MAN1A1: variants seen among roughly 807,000 people sequenced by gnomAD.
MAN1A1 encodes the protein mannosyl-oligosaccharide 1,2-alpha-mannosidase IA.
MAN1A1 carries 29 observed loss-of-function variants against 70.8 expected under a neutral mutation model. The observed-to-expected ratio is 0.41, with a 90% confidence interval of 0.31 to 0.56. The LOEUF is 0.56. Ranked by LOEUF, MAN1A1 falls within the 20% of genes least tolerant of loss-of-function variation. MAN1A1 has a pLI of 0.29. For missense variants in MAN1A1, 747 were observed against 841.3 expected, an observed-to-expected ratio of 0.89 and a Z score of 1.39; for synonymous variants, 349 against 330.1, an observed-to-expected ratio of 1.06 and a Z score of -0.62.
chr6:119,285,397 A>G (rs1428137537), intron 5 of MAN1A1, among the ~76,000 whole-genome samples: 1 of 152,090 alleles, frequency 6.6e-6, no homozygotes, highest in East Asian at 1.9e-4. Flanking sequence ...AACATCTCTC[A>G]TGAGACCCCA....
At chr6:119,213,861 T>C (rs1179899597) in intron 6 of MAN1A1, among the ~76,000 whole-genome samples, 1 of 152,246 alleles carries the variant, frequency 6.6e-6, no homozygotes, top group African/African-American at 2.4e-5. Context: ...TTTTCATGTA[T>C]TGATACTTTC....
At chr6:119,264,599 G>A (rs1396321342) in intron 5 of MAN1A1, among the ~76,000 whole-genome samples, 1 of 152,128 alleles carries the variant, frequency 6.6e-6, no homozygotes, top group Non-Finnish European at 1.5e-5. Context: ...TTGTTGTTTA[G>A]GAGCTTATTT....
chr6:119,321,557 GA>G (rs1181528342), intron 2 of MAN1A1, among the ~76,000 whole-genome samples: 1 of 151,080 alleles, frequency 6.6e-6, no homozygotes, highest in African/African-American at 2.4e-5. Flanking sequence ...ACTCACCTTT[GA>G]ATTTTACTGA....
At chr6:119,213,430 G>T (rs1774105378) in intron 6 of MAN1A1, among the ~76,000 whole-genome samples, 1 of 151,910 alleles carries the variant, frequency 6.6e-6, no homozygotes, top group African/African-American at 2.4e-5. Context: ...AAAGACAAAA[G>T]AATAAAAAGG....
chr6:119,313,986 A>T (rs556676840), intron 2 of MAN1A1, among the ~76,000 whole-genome samples: 2 of 152,108 alleles, frequency 1.3e-5, no homozygotes, highest in East Asian at 3.9e-4. Context: ...AAAAAAAAAA[A>T]TCCGTGAGCC....
At chr6:119,306,407 A>C (rs534366963) in intron 3 of MAN1A1, among the ~76,000 whole-genome samples, 22 of 152,334 alleles carry the variant, frequency 1.4e-4, no homozygotes, top group African/African-American at 5.3e-4. Flanking sequence ...TGGAAGTTCA[A>C]TTAACCTAAT....
In MAN1A1 at chr6:119,309,517, G is replaced by T. The variant is rs567727547; in HGVS notation, c.604-2525C>A. Among the ~76,000 whole-genome samples the T allele has an allele frequency of 6.6e-5, 10 of 152,262 alleles. 1 individual carries two copies. The highest frequency in any genetic ancestry group is 3.3e-4 in the Admixed American group (5 of 15,284). On this transcript the variant is annotated intron_variant, in intron 2 of 12. Transcript: ENST00000368468. ...GTTAACTACTAACAAGGACAGAATT[G>T]ATCACCTCTCTTCACAGGCTCCTTA...
chr6:119,210,858 C>T (rs769730127), intron 6 of MAN1A1: 3 of 453,586 alleles, frequency 6.6e-6, no homozygotes, highest in South Asian at 4.7e-5. Flanking sequence ...AGCTATTTCT[C>T]TTTCCAGTGT....
rs150797636 is a variant in MAN1A1, at chr6:119,181,295, C to T, written c.1720-868G>A. Among the ~76,000 whole-genome samples the T allele has an allele frequency of 1.0e-3, 158 of 152,234 alleles. 1 individual carries two copies. Among genetic ancestry groups the T allele is most frequent in the African/African-American group, 3.3e-3 (137 of 41,548 alleles). On this transcript the variant is annotated intron_variant, in intron 11 of 12. Transcript: ENST00000368468. The stretch of plus-strand genomic sequence containing the variant: ...GATCATAAACCACTGGTTGAGAAAC[C>T]GTACTGGAACAAAATCAGCTGCTTC...
chr6:119,214,906 C>T (rs1015799297), intron 6 of MAN1A1, among the ~76,000 whole-genome samples: 7 of 151,216 alleles, frequency 4.6e-5, no homozygotes, highest in Admixed American at 4.6e-4. Flanking sequence ...CTTTTGGAAA[C>T]TGTATTTTTT....
chr6:119,323,419 T>C (rs1773069186), intron 2 of MAN1A1, among the ~76,000 whole-genome samples: 1 of 152,070 alleles, frequency 6.6e-6, no homozygotes, highest in Admixed American at 6.5e-5. Context: ...CACAATCTCA[T>C]ATTTTTTTTA....
At chr6:119,319,390 A>AATAATC (rs1554215455) in intron 2 of MAN1A1, among the ~76,000 whole-genome samples, 134 of 143,718 alleles carry the variant, frequency 9.3e-4, no homozygotes, top group African/African-American at 2.4e-3. Flanking sequence ...TAATAATAAT[A>AATAATC]ATCATCATCA....
intron 2 of MAN1A1, among the ~76,000 whole-genome samples, chr6:119,338,651 G>C (rs915789114): frequency 2.0e-5 from 3 of 152,156 alleles, no homozygotes; most frequent in African/African-American, 7.2e-5. Flanking sequence ...CATTCCAAAA[G>C]GAGAAAGATC....
chr6:119,193,935 A>T (rs758636051), intron 8 of MAN1A1, 43 bp from the exon 9 acceptor site: 18 of 1,264,260 alleles, frequency 1.4e-5, no homozygotes, highest in Non-Finnish European at 2.1e-5. Flanking sequence ...TTCAGCTTTT[A>T]ATTCAGATAA....
intron 5 of MAN1A1, among the ~76,000 whole-genome samples, chr6:119,248,690 G>A (rs1017279675): frequency 2.6e-5 from 4 of 152,256 alleles, no homozygotes; most frequent in South Asian, 2.1e-4. Context: ...CACAGGCGAC[G>A]CCAGGTGATT....
At chr6:119,312,741 C>T (rs1772743812) in intron 2 of MAN1A1, among the ~76,000 whole-genome samples, 5 of 152,144 alleles carry the variant, frequency 3.3e-5, no homozygotes. Flanking sequence ...TCTCATCTTT[C>T]AAAAAGAATA....
At chr6:119,214,438 T>A (rs1160907119) in intron 6 of MAN1A1, among the ~76,000 whole-genome samples, 1 of 152,198 alleles carries the variant, frequency 6.6e-6, no homozygotes, top group Non-Finnish European at 1.5e-5. Context: ...ATGTCAGTGT[T>A]GACAGAAATA....
At chr6:119,214,792 T>C (rs775726434) in intron 6 of MAN1A1, among the ~76,000 whole-genome samples, 1 of 152,132 alleles carries the variant, frequency 6.6e-6, no homozygotes, top group Non-Finnish European at 1.5e-5. Context: ...AGGCATGAAC[T>C]ACCACACTTG....
At chr6:119,193,682 A>C in intron 9 of MAN1A1, 95 bp downstream of exon 9, 1 of 679,556 alleles carries the variant, frequency 1.5e-6, no homozygotes, top group Non-Finnish European at 2.5e-6. Flanking sequence ...TTTGTAACTC[A>C]CTCATGTAGT....
Sources: allele counts gnomAD v4.1 joint callset (sites outside exome capture counted in the v4.1 genomes callset), GRCh38; gene constraint gnomAD v4.1.1; transcripts MANE v1.5; gene names NCBI Gene and HGNC (gene_info 2026-07-23, HGNC 2026-07-21).